Variants in MAGI2 observed in about 807,000 individuals in gnomAD.
The protein encoded by MAGI2 is membrane associated guanylate kinase, WW and PDZ domain containing 2, also known as membrane-associated guanylate kinase, WW and PDZ domain-containing protein 2.
A neutral mutation model predicts 133.3 loss-of-function variants in MAGI2; 35 were observed. The observed-to-expected ratio is 0.26, with a 90% CI of 0.20 to 0.35. MAGI2 has a LOEUF of 0.35. MAGI2 is among the 10% of genes least tolerant of loss of function. The pLI, the probability that MAGI2 is intolerant of heterozygous loss-of-function variation, is 1.00. For missense variants in MAGI2, 1,636 were observed against 1,863.4 expected, an observed-to-expected ratio of 0.88 and a Z score of 2.25; for synonymous variants, 729 against 710.6, an observed-to-expected ratio of 1.03 and a Z score of -0.41.
intron 9 of MAGI2, among the ~76,000 whole-genome samples, chr7:78,268,514 C>T (rs1794237672): frequency 6.6e-6 from 1 of 152,072 alleles, no homozygotes; most frequent in Non-Finnish European, 1.5e-5. Flanking sequence ...ATAGTGTCCC[C>T]ATTACATAGA....
chr7:78,836,536 T>A (rs1203556927), intron 2 of MAGI2, among the ~76,000 whole-genome samples: 1 of 152,174 alleles, frequency 6.6e-6, no homozygotes, highest in African/African-American at 2.4e-5. Flanking sequence ...TTCATAAAAA[T>A]TAAAAGAATA....
chr7:78,553,576 A>C (rs1799541209), intron 3 of MAGI2, among the ~76,000 whole-genome samples: 2 of 152,192 alleles, frequency 1.3e-5, no homozygotes, highest in Admixed American at 1.3e-4. Context: ...AGACTAAATG[A>C]TCCCAAGTTA....
chr7:79,307,990 A>T (rs1160973925), intron 1 of MAGI2, among the ~76,000 whole-genome samples: 1 of 152,194 alleles, frequency 6.6e-6, no homozygotes, highest in Non-Finnish European at 1.5e-5. Flanking sequence ...TCCTACAGAA[A>T]AATATGGCTA....
At chr7:78,921,189 A>G (rs1353847347) in intron 2 of MAGI2, among the ~76,000 whole-genome samples, 1 of 152,092 alleles carries the variant, frequency 6.6e-6, no homozygotes, top group Non-Finnish European at 1.5e-5. Flanking sequence ...GTGGAGGATC[A>G]CTGGAAAGAG....
chr7:78,924,230 T>G (rs1479656564), intron 2 of MAGI2, among the ~76,000 whole-genome samples: 1 of 152,144 alleles, frequency 6.6e-6, no homozygotes, highest in African/African-American at 2.4e-5. Flanking sequence ...TCCAACACTA[T>G]GTTGAATAAG....
chr7:78,633,072 C>A (rs1809195358), intron 2 of MAGI2, among the ~76,000 whole-genome samples: 1 of 152,146 alleles, frequency 6.6e-6, no homozygotes, highest in Non-Finnish European at 1.5e-5. Flanking sequence ...GTAAAATGAA[C>A]GACAGCATGT....
At chr7:78,450,839 A>G (rs1457498429) in intron 6 of MAGI2, among the ~76,000 whole-genome samples, 1 of 152,074 alleles carries the variant, frequency 6.6e-6, no homozygotes, top group Admixed American at 6.6e-5. Flanking sequence ...TAGTCTACTC[A>G]TTCATTCAAT....
intron 2 of MAGI2, among the ~76,000 whole-genome samples, chr7:78,978,696 CA>C (rs1804511254): frequency 6.6e-6 from 1 of 151,758 alleles, no homozygotes; most frequent in Non-Finnish European, 1.5e-5. Flanking sequence ...CAGAATGTGA[CA>C]AAAGTATTTA....
chr7:79,270,208 A>G (rs1834778450), intron 1 of MAGI2, among the ~76,000 whole-genome samples: 2 of 151,900 alleles, frequency 1.3e-5, no homozygotes, highest in African/African-American at 4.8e-5. Flanking sequence ...CTGCCCACCA[A>G]TTTGTCCATA....
intron 2 of MAGI2, among the ~76,000 whole-genome samples, chr7:78,914,642 T>C (rs1219084212): frequency 6.6e-6 from 1 of 152,146 alleles, no homozygotes; most frequent in Non-Finnish European, 1.5e-5. Flanking sequence ...AATACTATTC[T>C]TCATTAGGAA....
intron 2 of MAGI2, among the ~76,000 whole-genome samples, chr7:78,956,819 G>A (rs1802417503): frequency 6.6e-6 from 1 of 152,094 alleles, no homozygotes; most frequent in South Asian, 2.1e-4. Context: ...AGTGATCTGA[G>A]GACACTCCTT....
chr7:79,218,340 C>T (rs758835442), intron 1 of MAGI2, among the ~76,000 whole-genome samples: 11 of 151,986 alleles, frequency 7.2e-5, no homozygotes, highest in East Asian at 5.8e-4. Flanking sequence ...GGCACCTGCA[C>T]GTATTACATA....
At chr7:78,885,474 C>T (rs1796190387) in intron 2 of MAGI2, among the ~76,000 whole-genome samples, 1 of 152,092 alleles carries the variant, frequency 6.6e-6, no homozygotes, top group African/African-American at 2.4e-5. Flanking sequence ...TGTGCTAAGG[C>T]TATGAATGAC....
intron 7 of MAGI2, 99 bp downstream of exon 7, chr7:78,369,057 A>G (rs536426225): frequency 5.2e-6 from 4 of 764,592 alleles, no homozygotes; most frequent in Non-Finnish European, 8.3e-6. Context: ...GATGAAAGGG[A>G]AATGAAGGGG....
At chr7:79,152,550 T>C (rs2129547092) in intron 1 of MAGI2, among the ~76,000 whole-genome samples, 1 of 152,358 alleles carries the variant, frequency 6.6e-6, no homozygotes, top group South Asian at 2.1e-4. Flanking sequence ...ACAGAAGTTT[T>C]TTTTTACTGA....
chr7:78,295,286 A>G (rs917116773), intron 9 of MAGI2, among the ~76,000 whole-genome samples: 3 of 152,094 alleles, frequency 2.0e-5, no homozygotes, highest in Non-Finnish European at 4.4e-5. Flanking sequence ...CCTTATATCT[A>G]TATGTTGTGG....
chr7:78,786,603 T>C (rs1293469972), intron 2 of MAGI2, among the ~76,000 whole-genome samples: 3 of 152,198 alleles, frequency 2.0e-5, no homozygotes, highest in African/African-American at 7.2e-5. Context: ...ATAGGGCCTT[T>C]GTGTTTGACG....
In MAGI2 at chr7:78,879,467, A is replaced by G. The variant is rs552991407; in HGVS notation, c.418+127623T>C. Among the ~76,000 whole-genome samples, 18 of 152,294 alleles carry G rather than the reference A, an allele frequency of 1.2e-4. No homozygotes were observed. The East Asian group carries it at 2.9e-3, about 24-fold the overall frequency. Reference sequence around the variant, plus strand: ...ACTGGTCAATGGAAGTGCATAGGCTATAGAAGCAAAACCAAAAGACCCTAC... The same window carrying G: ...ACTGGTCAATGGAAGTGCATAGGCTGTAGAAGCAAAACCAAAAGACCCTAC... On this transcript the variant is annotated intron_variant, in intron 2 of 21. Transcript: ENST00000354212.
intron 2 of MAGI2, among the ~76,000 whole-genome samples, chr7:78,728,710 C>T (rs1821075227): frequency 1.5e-5 from 2 of 129,840 alleles, no homozygotes; most frequent in South Asian, 2.4e-4. Flanking sequence ...GGACTACAGG[C>T]GCCCGCCACT....
Sources: allele counts gnomAD v4.1 joint callset (sites outside exome capture counted in the v4.1 genomes callset), GRCh38; gene constraint gnomAD v4.1.1; transcripts MANE v1.5; gene names NCBI Gene and HGNC (gene_info 2026-07-23, HGNC 2026-07-21).